PRR16: variants seen among roughly 807,000 people sequenced by gnomAD.
PRR16 encodes the protein proline rich 16, also known as protein Largen.
PRR16 carries 6 observed loss-of-function variants against 18.2 expected under a neutral mutation model. The ratio of observed to expected loss-of-function variants is 0.33; its 90% confidence interval spans 0.18 to 0.65. The LOEUF (loss-of-function observed/expected upper bound fraction) is 0.65, where lower values mean the gene tolerates loss of function less well. Among genes scored for constraint, PRR16 ranks in the 30% least tolerant of loss-of-function variants. The pLI, the probability that PRR16 is intolerant of heterozygous loss-of-function variation, is 0.74. For missense variants in PRR16, 412 were observed against 376.6 expected, an observed-to-expected ratio of 1.09 and a Z score of -0.78; for synonymous variants, 151 against 147.8, an observed-to-expected ratio of 1.02 and a Z score of -0.16.
At chr5:120,471,845 A>G (rs1013234378) in intron 1 of PRR16, among the ~76,000 whole-genome samples, 4 of 152,180 alleles carry the variant, frequency 2.6e-5, no homozygotes, top group African/African-American at 9.6e-5. Flanking sequence ...GAAAATAAAG[A>G]CATATCTAAT....
intron 1 of PRR16, among the ~76,000 whole-genome samples, chr5:120,510,528 A>G (rs1326789164): frequency 6.6e-6 from 1 of 152,226 alleles, no homozygotes; most frequent in Non-Finnish European, 1.5e-5. Context: ...ACTATGTCCC[A>G]TGAAATGGCA....
intron 1 of PRR16, among the ~76,000 whole-genome samples, chr5:120,501,447 A>G (rs576398212): frequency 3.5e-4 from 54 of 152,268 alleles, no homozygotes; most frequent in African/African-American, 1.1e-3. Flanking sequence ...AAATAAATTG[A>G]ATCTTGATGA....
At chr5:120,786,009 T>C in the PRR16 span, among the ~76,000 whole-genome samples, 1 of 151,742 alleles carries the variant, frequency 6.6e-6, no homozygotes, top group African/African-American at 2.4e-5. Flanking sequence ...ATCAAGTTTT[T>C]CATTTTTTGT....
At chr5:120,515,294 A>G (rs1221891217) in intron 1 of PRR16, among the ~76,000 whole-genome samples, 3 of 152,140 alleles carry the variant, frequency 2.0e-5, no homozygotes, top group Admixed American at 6.5e-5. Context: ...TCATAACCCA[A>G]TCACCTCTTA....
At chr5:120,582,938 G>C (rs1036127486) in intron 1 of PRR16, among the ~76,000 whole-genome samples, 1 of 152,212 alleles carries the variant, frequency 6.6e-6, no homozygotes, top group Non-Finnish European at 1.5e-5. Context: ...CTAACAGTTT[G>C]TGTGGGTCTC....
chr5:120,626,483 G>T (rs2112830903), intron 1 of PRR16, among the ~76,000 whole-genome samples: 1 of 152,206 alleles, frequency 6.6e-6, no homozygotes, highest in East Asian at 1.9e-4. Flanking sequence ...TGAGCATGAG[G>T]GATCTTTTGC....
chr5:120,792,450 C>A, the PRR16 span, among the ~76,000 whole-genome samples: 1 of 152,240 alleles, frequency 6.6e-6, no homozygotes. Flanking sequence ...AACTTTTAAA[C>A]CTGCTATTCT....
intron 1 of PRR16, among the ~76,000 whole-genome samples, chr5:120,567,389 C>G (rs561670179): frequency 2.0e-5 from 3 of 152,252 alleles, no homozygotes; most frequent in African/African-American, 7.2e-5. Flanking sequence ...TGTGCTTTAC[C>G]TATCACATTT....
At chr5:120,582,197 TCAGAAA>T (rs1382022648) in intron 1 of PRR16, among the ~76,000 whole-genome samples, 1 of 151,954 alleles carries the variant, frequency 6.6e-6, no homozygotes, top group East Asian at 1.9e-4. Flanking sequence ...GAGAACTAAC[TCAGAAA>T]CAGAAAATGA....
intron 1 of PRR16, among the ~76,000 whole-genome samples, chr5:120,563,353 T>C (rs2112721119): frequency 6.6e-6 from 1 of 152,338 alleles, no homozygotes; most frequent in Non-Finnish European, 1.5e-5. Context: ...CAGGTCCTAG[T>C]AGGGTCTAGA....
At chr5:120,569,154 C>T (rs1287949425) in intron 1 of PRR16, among the ~76,000 whole-genome samples, 1 of 151,936 alleles carries the variant, frequency 6.6e-6, no homozygotes, top group East Asian at 1.9e-4. Flanking sequence ...GTCAGATGTG[C>T]CAAGTTTTTC....
chr5:120,465,585 G>GGGGCGC (rs1749050873), intron 1 of PRR16: 1 of 152,888 alleles, frequency 6.5e-6, no homozygotes, highest in African/African-American at 2.4e-5. Context: ...GCTCCGGGCG[G>GGGGCGC]GGGCGGGGGC....
At chr5:120,646,491 A>C (rs1205643039) in intron 1 of PRR16, among the ~76,000 whole-genome samples, 1 of 152,026 alleles carries the variant, frequency 6.6e-6, no homozygotes, top group Non-Finnish European at 1.5e-5. Flanking sequence ...ACTTGCCTGA[A>C]TCTCCAGGCA....
chr5:120,472,449 A>G (rs1375411994), intron 1 of PRR16, among the ~76,000 whole-genome samples: 1 of 152,084 alleles, frequency 6.6e-6, no homozygotes, highest in East Asian at 1.9e-4. Context: ...CCCATATCAC[A>G]AACCCCTTTG....
At chr5:120,610,586 A>G (rs1315780688) in intron 1 of PRR16, among the ~76,000 whole-genome samples, 1 of 152,018 alleles carries the variant, frequency 6.6e-6, no homozygotes. Flanking sequence ...ATAAGAGATC[A>G]CGAGATCTAA....
At position 120,530,280 on chromosome 5, in the gene PRR16, TA is replaced by T. The variant is rs58344470; in HGVS notation, c.159+65636del. On this transcript the variant is annotated intron_variant, in intron 1 of 1. Coordinates refer to ENST00000407149, the MANE Select transcript of PRR16 (RefSeq NM_001300783.2). ...ATATATATATATATATATATATATA[TA>T]TATTTATTTATTTATTTATTTATTT... Among the ~76,000 whole-genome samples, 732 of 96,342 alleles carry T rather than the reference TA, an allele frequency of 7.6e-3. 6 individuals carry two copies. Among genetic ancestry groups the T allele is most frequent in the Middle Eastern group, 0.03 (5 of 168 alleles). The allele number at this position is 96,342 out of a possible 152,430, so 63.2% of individuals were successfully genotyped here.
intron 1 of PRR16, among the ~76,000 whole-genome samples, chr5:120,515,932 A>G (rs1750974903): frequency 1.3e-5 from 2 of 152,206 alleles, no homozygotes; most frequent in Admixed American, 6.5e-5. Flanking sequence ...CTTGTTTAAG[A>G]GAGCCTCACC....
chr5:120,722,610 G>C, the PRR16 span, among the ~76,000 whole-genome samples: 3 of 151,830 alleles, frequency 2.0e-5, no homozygotes, highest in African/African-American at 7.3e-5. Context: ...CTAAAATCCT[G>C]GTAAAAGAAC....
At chr5:120,580,894 A>C (rs1753250216) in intron 1 of PRR16, among the ~76,000 whole-genome samples, 1 of 152,196 alleles carries the variant, frequency 6.6e-6, no homozygotes, top group Non-Finnish European at 1.5e-5. Context: ...TTGGTAGATA[A>C]GTTTTTGGAT....
Sources: allele counts gnomAD v4.1 joint callset (sites outside exome capture counted in the v4.1 genomes callset), GRCh38; gene constraint gnomAD v4.1.1; transcripts MANE v1.5; gene names NCBI Gene and HGNC (gene_info 2026-07-23, HGNC 2026-07-21).